COX11: variants seen among roughly 807,000 people sequenced by gnomAD.
The protein encoded by COX11 is cytochrome c oxidase copper chaperone COX11, also known as cytochrome c oxidase assembly protein COX11, mitochondrial.
COX11 carries 18 observed loss-of-function variants against 29.4 expected under a neutral mutation model. The observed-to-expected ratio is 0.61, with a 90% CI of 0.42 to 0.91. COX11 has a LOEUF of 0.91. Among genes scored for constraint, COX11 ranks in the 40% least tolerant of loss-of-function variants. The probability of loss-of-function intolerance (pLI) is 0.00; values close to 1 mark genes in which losing one functional copy is unlikely to be tolerated. For synonymous variants in COX11, 131 were observed against 124.0 expected (o/e 1.06, Z -0.38); for missense variants, 312 against 346.0 (o/e 0.90, Z 0.78).
chr17:54,958,038 A>T (rs953937517), downstream of COX11: 1 of 152,224 alleles, frequency 6.6e-6, no homozygotes, highest in South Asian at 2.1e-4. Context: ...TGCAATTCTT[A>T]GTTAAGTGAA....
Position 54,961,646 on chromosome 17 carries a change from CA to C in COX11, c.*1086del, listed in dbSNP as rs1309635364. The C allele has an allele frequency of 9.1e-7, 1 of 1,095,194 alleles. No homozygotes were observed. The highest frequency in any genetic ancestry group is 1.7e-5 in the African/African-American group (1 of 59,940). 67.8% of individuals were successfully genotyped at this position (1,095,194 alleles called of 1,614,324 possible). A position where few individuals can be genotyped will look rare whatever the true frequency, so the allele number is the denominator to read the frequency against. On this transcript the variant is annotated 3_prime_UTR_variant, in exon 4 of 4. Transcript: ENST00000299335. ...AATGTGAGAAACTGAATGTATTATT[CA>C]GGAAGAATACTGAGTGCCTTCATTT...
rs2077144177 is a variant in COX11 at position 54,962,308 on chromosome 17, C to T, written c.*425G>A. 1 of 986,098 alleles carries T rather than the reference C, an allele frequency of 1.0e-6. No homozygotes were observed. Among genetic ancestry groups the T allele is most frequent in the African/African-American group, 1.7e-5 (1 of 57,196 alleles). The allele number at this position is 986,098 out of a possible 1,614,324, so 61.1% of individuals were successfully genotyped here. A position where few individuals can be genotyped will look rare whatever the true frequency, so the allele number is the denominator to read the frequency against. On this transcript the variant is annotated 3_prime_UTR_variant, in exon 4 of 4. Transcript: ENST00000299335. ...GAAAATAGCAACCAACTCTTTTAGA[C>T]ACAATAAACATGGTTAGAAGTTCTG... is the stretch of plus-strand genomic sequence containing the variant.
intron 1 of COX11, among the ~76,000 whole-genome samples, chr17:54,967,042 GCACACA>G (rs71159276): frequency 0.03 from 2,846 of 96,080 alleles, 87 homozygotes; most frequent in African/African-American, 0.075. Context: ...GCGCGCGCGC[GCACACA>G]CACACACACA....
rs536849346 is a variant in COX11, at chr17:54,968,386, C to T, written c.261G>A (p.Glu87=). ...GGGTCGTCTTGTTCTGCCGCCGCCG[C>T]TCCTCCTCCTGCGCGCGTGTGAAAG... is the stretch of plus-strand genomic sequence containing the variant. ...SNPFTRAQEE[E]RRRQNKTTLT... Residue 87 remains glutamate (E), a synonymous_variant, in exon 1 of 4, where the codon GAG becomes GAA. Coordinates refer to ENST00000299335, the MANE Select transcript of COX11 (RefSeq NM_004375.5). 12 of 1,612,890 alleles carry T rather than the reference C, an allele frequency of 7.4e-6. No homozygotes were observed. The East Asian group carries it at 1.6e-4, about 21-fold the overall frequency.
At chr17:54,958,092 A>C (rs900641330), downstream of COX11, 1 of 152,186 alleles carries the variant, frequency 6.6e-6, no homozygotes, top group Non-Finnish European at 1.5e-5. Flanking sequence ...CAACCTGTAC[A>C]AAGACCCAGA....
Position 54,960,595 on chromosome 17 carries a change from A to G in COX11, c.*2138T>C. On this transcript the variant is annotated 3_prime_UTR_variant, in exon 4 of 4. Transcript: ENST00000299335. ...ATTTATGAAGAAATTGATGCTCACCAGCACAAAGGAGCTCAAAATGATGGT... is the reference window on the plus strand; with the variant it reads ...ATTTATGAAGAAATTGATGCTCACCGGCACAAAGGAGCTCAAAATGATGGT... 6.2e-7 allele frequency: 1 copy of G among 1,613,228 alleles called. No homozygotes were observed. The highest frequency in any genetic ancestry group is 8.5e-7 in the Non-Finnish European group (1 of 1,179,624).
At chr17:54,963,534 A>C in intron 2 of COX11, 103 bp from the exon 3 acceptor site, 1 of 1,116,748 alleles carries the variant, frequency 9.0e-7, no homozygotes, top group East Asian at 2.7e-5. Context: ...TCAGACCATA[A>C]TACCTAATCT....
At position 54,962,460 on chromosome 17, in the gene COX11, C is replaced by T. The variant is rs1432937752; in HGVS notation, c.*273G>A. Reference sequence around the variant, plus strand: ...TGGAATTAAGCTGAACCCATGCCTGCATATTTAAAAAACAAAGCGGCTTAT... The same window carrying T: ...TGGAATTAAGCTGAACCCATGCCTGTATATTTAAAAAACAAAGCGGCTTAT... On this transcript the variant is annotated 3_prime_UTR_variant, in exon 4 of 4. Coordinates refer to ENST00000299335, the MANE Select transcript of COX11 (RefSeq NM_004375.5). 1.9e-6 allele frequency: 2 copies of T among 1,059,712 alleles called. No homozygotes were observed. The highest frequency in any genetic ancestry group is 2.3e-6 in the Non-Finnish European group (2 of 879,788). The allele number at this position is 1,059,712 out of a possible 1,614,324, so 65.6% of individuals were successfully genotyped here. A position where few individuals can be genotyped will look rare whatever the true frequency, so the allele number is the denominator to read the frequency against.
At chr17:54,954,883 A>T (rs2049414861) in exon 1 of COX11, 1 of 152,270 alleles carries the variant, frequency 6.6e-6, no homozygotes, top group African/African-American at 2.4e-5. Context: ...TTGCAAAAAA[A>T]GTCCAATTGG....
At chr17:54,956,373 C>T (rs1483772474), downstream of COX11, among the ~76,000 whole-genome samples, 1 of 151,974 alleles carries the variant, frequency 6.6e-6, no homozygotes, top group African/African-American at 2.4e-5. Flanking sequence ...GGGGTGATCT[C>T]GGCTCACTGC....
chr17:54,965,041 T>TA (rs1346643971), intron 1 of COX11, among the ~76,000 whole-genome samples, 189 bp from the exon 2 acceptor site: 1 of 152,206 alleles, frequency 6.6e-6, no homozygotes. Flanking sequence ...CTGTATTTGT[T>TA]AAAGTCATTC....
chr17:54,965,883 T>C (rs146443284), intron 1 of COX11, among the ~76,000 whole-genome samples: 1 of 151,922 alleles, frequency 6.6e-6, no homozygotes, highest in Non-Finnish European at 1.5e-5. Flanking sequence ...TTCTGATACT[T>C]GAGGTTGCCA....
In COX11 at chr17:54,963,300, A is replaced by T; in HGVS notation, c.648+6T>A. The T allele has an allele frequency of 1.2e-6, 2 of 1,608,094 alleles. No homozygotes were observed. Among genetic ancestry groups the T allele is most frequent in the South Asian group, 1.1e-5 (1 of 89,922 alleles). ...CATATTCTGTAAAGTTTACACTTTG[A>T]TGTACCTGTATTTTATTGAAATACT... On this transcript the variant is annotated splice_donor_region_variant and intron_variant, in intron 3 of 3. Coordinates refer to ENST00000299335, the MANE Select transcript of COX11 (RefSeq NM_004375.5).
chr17:54,958,748 A>AAAAAAAAAAAAAAAAAAAAAAAAAG (rs372776781), downstream of COX11, among the ~76,000 whole-genome samples: 1 of 118,928 alleles, frequency 8.4e-6, no homozygotes, highest in African/African-American at 3.1e-5. Flanking sequence ...AAAAAAAAAA[A>AAAAAAAAAAAAAAAAAAAAAAAAAG]GGGGTTGTTG....
intron 1 of COX11, among the ~76,000 whole-genome samples, chr17:54,967,717 C>A (rs2077275133): frequency 6.6e-6 from 1 of 151,438 alleles, no homozygotes; most frequent in African/African-American, 2.4e-5. Flanking sequence ...AGAACCGTTG[C>A]AATGTACTTA....
At position 54,960,997 on chromosome 17, in the gene COX11, T is replaced by A; in HGVS notation, c.*1736A>T. ...TTACCGTTAGTCCTCCAAATAGGTC[T>A]GAATTTTTCCTATTTTCAGCACTAC... On this transcript the variant is annotated 3_prime_UTR_variant, in exon 4 of 4. Transcript: ENST00000299335. The A allele has an allele frequency of 1.8e-6, 1 of 559,906 alleles. No individual in the cohort carries two copies. 34.7% of individuals were successfully genotyped at this position (559,906 alleles called of 1,614,324 possible). A position where few individuals can be genotyped will look rare whatever the true frequency, so the allele number is the denominator to read the frequency against.
Position 54,962,703 on chromosome 17 carries a change from C to A in COX11, c.*30G>T, listed in dbSNP as rs1425478357. ...GGATATATGATTTTCCCAAAAATCA[C>A]AACTTTGAAGGAAGACTTAGTTGCT... On this transcript the variant is annotated 3_prime_UTR_variant, in exon 4 of 4. Coordinates refer to ENST00000299335, the MANE Select transcript of COX11 (RefSeq NM_004375.5). 6.3e-7 allele frequency: 1 copy of A among 1,597,986 alleles called. No individual in the cohort carries two copies. Among genetic ancestry groups the A allele is most frequent in the Non-Finnish European group, 8.5e-7 (1 of 1,175,512 alleles).
At chr17:54,952,446 G>C (rs1421271446) in exon 1 of COX11, 3 of 151,098 alleles carry the variant, frequency 2.0e-5, no homozygotes, top group African/African-American at 7.3e-5. Context: ...ACTCAGGAAG[G>C]TGAGGCAGAA....
Position 54,960,523 on chromosome 17 carries a change from G to A in COX11, c.*2210C>T, listed in dbSNP as rs1325115509. ...CAGTTAAAAACCAAAATAGCACTTT[G>A]AAATTGATACATAACCCTTTTGCTG... On this transcript the variant is annotated 3_prime_UTR_variant, in exon 4 of 4. Transcript: ENST00000299335. The A allele has an allele frequency of 6.5e-7, 1 of 1,546,978 alleles. No homozygotes were observed. The highest frequency in any genetic ancestry group is 8.9e-7 in the Non-Finnish European group (1 of 1,120,816).
Sources: gnomAD v4.1 joint callset for allele counts (sites outside exome capture counted in the v4.1 genomes callset) on GRCh38, gnomAD v4.1.1 for gene constraint, MANE v1.5 for transcripts, NCBI Gene and HGNC (gene_info 2026-07-23, HGNC 2026-07-21) for gene names.